Variants in CSMD1 observed in about 807,000 individuals in gnomAD.
CSMD1 encodes the protein CUB and sushi domain-containing protein 1.
Under a neutral mutation model 417.5 loss-of-function variants are expected in CSMD1, and 213 were observed. The ratio of observed to expected loss-of-function variants is 0.51; its 90% confidence interval spans 0.46 to 0.57. CSMD1 has a LOEUF of 0.57. CSMD1 is among the 20% of genes least tolerant of loss of function. CSMD1 has a pLI of 0.00. For missense variants in CSMD1, 6,923 were observed against 4,529.7 expected, an observed-to-expected ratio of 1.53 and a Z score of -15.17; for synonymous variants, 2,862 against 1,736.8, an observed-to-expected ratio of 1.65 and a Z score of -16.11.
intron 3 of CSMD1, among the ~76,000 whole-genome samples, chr8:4,128,101 T>C (rs904253893): frequency 8.5e-5 from 13 of 152,170 alleles, no homozygotes; most frequent in African/African-American, 3.1e-4. Flanking sequence ...AGTCTTCACA[T>C]GCATCTGGCA....
At chr8:3,914,056 G>A (rs898371073) in intron 5 of CSMD1, among the ~76,000 whole-genome samples, 1 of 152,120 alleles carries the variant, frequency 6.6e-6, no homozygotes. Context: ...GTAATATTAA[G>A]TGGAAATGAT....
intron 5 of CSMD1, among the ~76,000 whole-genome samples, chr8:3,802,229 A>C (rs1049608688): frequency 5.3e-5 from 8 of 152,188 alleles, no homozygotes; most frequent in African/African-American, 1.9e-4. Context: ...TTAAAAATAT[A>C]CATGATAGAG....
chr8:3,162,325 T>A (rs368556981), intron 37 of CSMD1, 48 bp from the exon 38 acceptor site: 1 of 1,236,902 alleles, frequency 8.1e-7, no homozygotes, highest in South Asian at 1.3e-5. Flanking sequence ...GTAAACAATA[T>A]TCTTATCATT....
intron 2 of CSMD1, among the ~76,000 whole-genome samples, chr8:4,426,036 G>A (rs750471911): frequency 1.3e-5 from 2 of 150,866 alleles, no homozygotes; most frequent in Non-Finnish European, 2.9e-5. Context: ...ATCTCCAAGG[G>A]ATTATGAAAT....
chr8:4,930,950 A>G (rs77491222), intron 1 of CSMD1, among the ~76,000 whole-genome samples: 4,373 of 152,294 alleles, frequency 0.029, 200 homozygotes, highest in African/African-American at 0.1. Flanking sequence ...GGAAATTTAC[A>G]GAAGCTTATG....
At chr8:3,083,871 G>A (rs1170446401) in intron 49 of CSMD1, among the ~76,000 whole-genome samples, 4 of 151,246 alleles carry the variant, frequency 2.6e-5, no homozygotes, top group Non-Finnish European at 4.4e-5. Context: ...TGTTGCCCAG[G>A]CTGGCCTGAA....
At chr8:3,306,569 A>T (rs969556748) in intron 25 of CSMD1, among the ~76,000 whole-genome samples, 1 of 152,118 alleles carries the variant, frequency 6.6e-6, no homozygotes, top group African/African-American at 2.4e-5. Context: ...AGCATGATGG[A>T]GTGTAGACGC....
At chr8:4,075,122 T>C (rs979623512) in intron 3 of CSMD1, among the ~76,000 whole-genome samples, 1 of 152,104 alleles carries the variant, frequency 6.6e-6, no homozygotes, top group Non-Finnish European at 1.5e-5. Context: ...ATACAGTAAA[T>C]ATCAAAATGA....
At chr8:4,448,394 A>G (rs930408762) in intron 2 of CSMD1, among the ~76,000 whole-genome samples, 1 of 152,180 alleles carries the variant, frequency 6.6e-6, no homozygotes, top group Non-Finnish European at 1.5e-5. Context: ...TCCAACTCCT[A>G]CTTTCAGTAA....
intron 50 of CSMD1, among the ~76,000 whole-genome samples, chr8:3,036,355 A>G (rs927808467): frequency 2.6e-5 from 4 of 152,192 alleles, no homozygotes; most frequent in African/African-American, 9.7e-5. Context: ...ATCAGCCCCT[A>G]GATTCTGGAT....
chr8:3,198,168 C>A (rs1167946676), intron 33 of CSMD1, among the ~76,000 whole-genome samples: 1 of 152,108 alleles, frequency 6.6e-6, no homozygotes. Flanking sequence ...ACAACATTTG[C>A]ATATAAGACA....
chr8:4,166,101 G>T (rs577009980), intron 3 of CSMD1, among the ~76,000 whole-genome samples: 6 of 152,094 alleles, frequency 3.9e-5, no homozygotes, highest in Non-Finnish European at 8.8e-5. Context: ...TAATGATGAG[G>T]TCATAGAGCA....
intron 3 of CSMD1, among the ~76,000 whole-genome samples, chr8:4,249,613 G>GT (rs1802929401): frequency 6.6e-6 from 1 of 152,142 alleles, no homozygotes; most frequent in Admixed American, 6.5e-5. Flanking sequence ...GTTAAGAAAT[G>GT]TTTTCTCTGC....
chr8:4,955,216 G>A (rs879316574), intron 1 of CSMD1, among the ~76,000 whole-genome samples: 2 of 152,138 alleles, frequency 1.3e-5, no homozygotes, highest in Non-Finnish European at 2.9e-5. Context: ...CGTGTGCACA[G>A]AAGTTTTCAG....
At chr8:3,663,883 C>A (rs1231773081) in intron 7 of CSMD1, among the ~76,000 whole-genome samples, 1 of 152,166 alleles carries the variant, frequency 6.6e-6, no homozygotes, top group East Asian at 1.9e-4. Flanking sequence ...GGCGCAACCT[C>A]AACCTTGGAT....
At chr8:3,112,810 C>T (rs1165301070) in intron 42 of CSMD1, 1 of 152,190 alleles carries the variant, frequency 6.6e-6, no homozygotes, top group Non-Finnish European at 1.5e-5. Context: ...CATAAGATAA[C>T]AATATTCTAT....
intron 3 of CSMD1, among the ~76,000 whole-genome samples, chr8:4,388,207 G>T (rs541264079): frequency 4.6e-5 from 7 of 151,996 alleles, no homozygotes; most frequent in African/African-American, 1.7e-4. Context: ...ATACGAAAAA[G>T]ATATTTGCAC....
chr8:3,638,531 G>A (rs1162680779), intron 7 of CSMD1, among the ~76,000 whole-genome samples: 2 of 152,122 alleles, frequency 1.3e-5, no homozygotes, highest in Admixed American at 6.5e-5. Flanking sequence ...GGTAATTCAG[G>A]AGTAGCAGAG....
At chr8:3,963,200 G>A (rs538639071) in intron 5 of CSMD1, among the ~76,000 whole-genome samples, 39 of 152,246 alleles carry the variant, frequency 2.6e-4, no homozygotes, top group Middle Eastern at 3.4e-3. Context: ...CCAAAGTGCT[G>A]GGATCACAGG....
Sources: allele counts gnomAD v4.1 joint callset (sites outside exome capture counted in the v4.1 genomes callset), GRCh38; gene constraint gnomAD v4.1.1; transcripts MANE v1.5; gene names NCBI Gene and HGNC (gene_info 2026-07-23, HGNC 2026-07-21).